The following NCOR1 variants were observed in gnomAD, a reference collection of about 807,000 sequenced individuals.
NCOR1 encodes protein phosphatase 1, regulatory subunit 109.
In NCOR1, 63 loss-of-function variants were observed where a neutral mutation model predicts 288.1. The ratio of observed to expected loss-of-function variants is 0.22; its 90% CI spans 0.18 to 0.27. The LOEUF is 0.27. Ranked by LOEUF, NCOR1 falls within the 10% of genes least tolerant of loss-of-function variation. The probability of loss-of-function intolerance (pLI) is 1.00; values close to 1 mark genes in which losing one functional copy is unlikely to be tolerated. For synonymous variants in NCOR1, 1,007 were observed against 1,065.9 expected (o/e 0.94, Z 1.08); for missense variants, 2,397 against 3,019.2 (o/e 0.79, Z 4.83).
intron 25 of NCOR1, 111 bp from the exon 26 acceptor site, chr17:16,080,175 A>C (rs1490803434): frequency 1.1e-6 from 1 of 906,860 alleles, no homozygotes; most frequent in Admixed American, 2.7e-5. Flanking sequence ...AGAAAAAAGC[A>C]GCACAAAACC....
At chr17:16,163,747 C>G (rs574331675) in intron 5 of NCOR1, among the ~76,000 whole-genome samples, 64 of 152,252 alleles carry the variant, frequency 4.2e-4, no homozygotes, top group African/African-American at 1.5e-3. Flanking sequence ...AAAATGAACA[C>G]AACTCAAATA....
intron 19 of NCOR1, among the ~76,000 whole-genome samples, chr17:16,102,663 G>A (rs551986201): frequency 6.6e-6 from 1 of 151,280 alleles, no homozygotes; most frequent in African/African-American, 2.4e-5. Flanking sequence ...GTGCTTTCTT[G>A]GCTCACTGCA....
intron 1 of NCOR1, among the ~76,000 whole-genome samples, chr17:16,196,601 G>A (rs1291575858): frequency 6.6e-6 from 1 of 152,072 alleles, no homozygotes; most frequent in Non-Finnish European, 1.5e-5. Context: ...CAAGGCGGGT[G>A]GATCATGAGG....
At position 16,164,407 on chromosome 17, in the gene NCOR1, T is replaced by C. The variant is rs1249333736; in HGVS notation, c.618+572A>G. Among the ~76,000 whole-genome samples the C allele has an allele frequency of 7.2e-5, 11 of 152,072 alleles. No individual in the cohort carries two copies. The East Asian group carries it at 1.9e-3, about 27-fold the overall frequency. ...ATTTCAATGACAAAATAGGAGACTA[T>C]AGACAAAACGCTTGAACAATGCACA... On this transcript the variant is annotated intron_variant, in intron 5 of 45. Transcript: ENST00000268712.
At chr17:16,174,576 T>C (rs1275597961) in intron 3 of NCOR1, among the ~76,000 whole-genome samples, 4 of 152,214 alleles carry the variant, frequency 2.6e-5, no homozygotes, top group Non-Finnish European at 5.9e-5. Flanking sequence ...GCTCTTTTTC[T>C]ATCTAGAAAT....
At chr17:16,179,536 T>C (rs1267582595) in intron 3 of NCOR1, among the ~76,000 whole-genome samples, 5 of 152,120 alleles carry the variant, frequency 3.3e-5, no homozygotes, top group Non-Finnish European at 1.5e-5. Flanking sequence ...TTCTACTGAA[T>C]AGTCAAAGAA....
At chr17:16,161,643 A>C (rs1017085503) in intron 5 of NCOR1, among the ~76,000 whole-genome samples, 2 of 152,178 alleles carry the variant, frequency 1.3e-5, no homozygotes, top group African/African-American at 4.8e-5. Context: ...CCATGTTTTA[A>C]AAATAAATTT....
At chr17:16,136,406 G>A (rs1313136004) in intron 14 of NCOR1, among the ~76,000 whole-genome samples, 5 of 152,120 alleles carry the variant, frequency 3.3e-5, no homozygotes, top group Admixed American at 2.6e-4. Context: ...TGCCTAGGCT[G>A]GTCTTGAACT....
intron 21 of NCOR1, among the ~76,000 whole-genome samples, chr17:16,096,946 C>G (rs1435258157): frequency 6.6e-6 from 1 of 152,148 alleles, no homozygotes; most frequent in Non-Finnish European, 1.5e-5. Context: ...ATTATTCAGC[C>G]TTTAAAAATA....
chr17:16,068,161 T>A (rs1318551674), intron 31 of NCOR1, 40 bp from the exon 32 acceptor site: 2 of 1,443,852 alleles, frequency 1.4e-6, no homozygotes, highest in Admixed American at 1.9e-5. Flanking sequence ...CTTAAGAAAC[T>A]TGCAAGTATG....
intron 21 of NCOR1, among the ~76,000 whole-genome samples, chr17:16,092,896 G>A (rs2065671620): frequency 6.7e-6 from 1 of 150,204 alleles, no homozygotes; most frequent in Non-Finnish European, 1.5e-5. Context: ...TAGCGAAGGG[G>A]TTTCGCCATG....
At chr17:16,082,081 C>G (rs1000564492) in intron 23 of NCOR1, among the ~76,000 whole-genome samples, 12 of 152,256 alleles carry the variant, frequency 7.9e-5, no homozygotes, top group African/African-American at 2.4e-4. Context: ...TAGCTGATCA[C>G]TAAGTTAATC....
chr17:16,147,867 GGAGTGCAGT>G (rs1353369200), intron 9 of NCOR1, among the ~76,000 whole-genome samples: 3 of 152,120 alleles, frequency 2.0e-5, no homozygotes, highest in Non-Finnish European at 4.4e-5. Context: ...TGCCCAGGCT[GGAGTGCAGT>G]GGCGCGATCT....
intron 2 of NCOR1, among the ~76,000 whole-genome samples, chr17:16,190,610 G>GGATT (rs1380300076): frequency 6.6e-6 from 1 of 151,824 alleles, no homozygotes; most frequent in African/African-American, 2.4e-5. Flanking sequence ...CAAAGTGCTG[G>GGATT]GATTACAGGC....
chr17:16,164,823 T>G, intron 5 of NCOR1, 156 bp downstream of exon 5: 1 of 515,374 alleles, frequency 1.9e-6, no homozygotes, highest in Non-Finnish European at 3.4e-6. Context: ...AATGAATGAA[T>G]GTAAGAAAAC....
intron 33 of NCOR1, 79 bp downstream of exon 33, chr17:16,065,403 TCAA>T (rs2061009104): frequency 7.1e-7 from 1 of 1,407,252 alleles, no homozygotes; most frequent in South Asian, 1.2e-5. Context: ...CATCATTCAT[TCAA>T]CAAGTATTTA....
At chr17:16,088,900 G>A (rs2064700229) in intron 22 of NCOR1, among the ~76,000 whole-genome samples, 2 of 152,092 alleles carry the variant, frequency 1.3e-5, no homozygotes, top group Admixed American at 6.5e-5. Flanking sequence ...TATCCATCAA[G>A]ACGATGGTAC....
chr17:16,120,995 G>A (rs538857202), intron 16 of NCOR1, 57 bp downstream of exon 16: 1 of 1,482,714 alleles, frequency 6.7e-7, no homozygotes, highest in Admixed American at 1.8e-5. Context: ...TATCCTAGCA[G>A]TGAAACAGAA....
intron 14 of NCOR1, among the ~76,000 whole-genome samples, chr17:16,134,656 T>A (rs913484415): frequency 6.6e-6 from 1 of 152,050 alleles, no homozygotes; most frequent in Non-Finnish European, 1.5e-5. Flanking sequence ...ATAACAAACA[T>A]CCGTGCCCCA....
Sources: gnomAD v4.1 joint callset for allele counts (sites outside exome capture counted in the v4.1 genomes callset) on GRCh38, gnomAD v4.1.1 for gene constraint, MANE v1.5 for transcripts, NCBI Gene and HGNC (gene_info 2026-07-23, HGNC 2026-07-21) for gene names.